The following GIPC2 variants were observed in gnomAD, a reference collection of about 807,000 sequenced individuals.
The protein encoded by GIPC2 is GIPC PDZ domain containing family member 2, also known as PDZ domain-containing protein GIPC2.
In GIPC2, 30 loss-of-function variants were observed where a neutral mutation model predicts 30.6. The observed-to-expected ratio is 0.98, with a 90% CI of 0.73 to 1.33. The LOEUF (loss-of-function observed/expected upper bound fraction) is 1.33, where lower values mean the gene tolerates loss of function less well. GIPC2 is among the 40% of genes most tolerant of loss of function. GIPC2 has a pLI of 0.00. For missense variants in GIPC2, 414 were observed against 390.3 expected, an observed-to-expected ratio of 1.06 and a Z score of -0.51; for synonymous variants, 167 against 150.0, an observed-to-expected ratio of 1.11 and a Z score of -0.83.
intron 2 of GIPC2, among the ~76,000 whole-genome samples, chr1:78,082,887 A>G (rs183398550): frequency 1.2e-4 from 18 of 152,204 alleles, no homozygotes; most frequent in African/African-American, 4.3e-4. Flanking sequence ...CATTTATCCA[A>G]ATCTCCAATT....
rs1365298839 is a variant in GIPC2, at chr1:78,125,901, G to A, written c.735G>A (p.Lys245=). 4 of 1,584,010 alleles carry A rather than the reference G, an allele frequency of 2.5e-6. No individual in the cohort carries two copies. The highest frequency in any genetic ancestry group is 3.5e-6 in the Non-Finnish European group (4 of 1,153,080). ...VEEMPSETKA[K]AIEKIDDVLE... ...TAAAGCCTTCTGAAACCAAAGCAAA[G>A]GCAATTGAAAAGATTGATGATGTTC... Residue 245 remains lysine, a synonymous_variant, in exon 5 of 6, where the codon AAG becomes AAA. Transcript: ENST00000370759.
At chr1:78,071,544 C>T (rs760792112) in intron 1 of GIPC2, among the ~76,000 whole-genome samples, 3 of 150,182 alleles carry the variant, frequency 2.0e-5, no homozygotes, top group Non-Finnish European at 4.4e-5. Flanking sequence ...CCTTCCTTCT[C>T]CTTCTTCTTC....
chr1:78,070,592 T>C (rs1661599494), intron 1 of GIPC2, among the ~76,000 whole-genome samples: 1 of 152,196 alleles, frequency 6.6e-6, no homozygotes, highest in African/African-American at 2.4e-5. Flanking sequence ...ATTTGTGTAA[T>C]GTCCACAAAG....
In GIPC2 at chr1:78,135,805, T is replaced by G; in HGVS notation, c.*62T>G. The G allele has an allele frequency of 7.3e-7, 1 of 1,372,352 alleles. No individual in the cohort carries two copies. Among genetic ancestry groups the G allele is most frequent in the Middle Eastern group, 1.8e-4 (1 of 5,494 alleles). The allele number at this position is 1,372,352 out of a possible 1,614,324, so 85.0% of individuals were successfully genotyped here. A position where few individuals can be genotyped will look rare whatever the true frequency, so the allele number is the denominator to read the frequency against. ...TCTTTTTTTTCTCTTTTTTAAAAAG[T>G]CCTATAAGATCTGTTTTTGGACACC... On this transcript the variant is annotated 3_prime_UTR_variant, in exon 6 of 6. Transcript: ENST00000370759.
chr1:78,101,802 T>C (rs982224658), intron 3 of GIPC2, among the ~76,000 whole-genome samples: 1 of 152,226 alleles, frequency 6.6e-6, no homozygotes, highest in African/African-American at 2.4e-5. Flanking sequence ...AAAAGGAGCA[T>C]GGCTTTACAA....
At chr1:78,077,917 G>A (rs933783065) in intron 1 of GIPC2, among the ~76,000 whole-genome samples, 3 of 152,042 alleles carry the variant, frequency 2.0e-5, no homozygotes, top group Non-Finnish European at 2.9e-5. Flanking sequence ...GGCCGGGCGC[G>A]GTGGCTCACG....
chr1:78,067,627 A>G (rs973882342), intron 1 of GIPC2, among the ~76,000 whole-genome samples: 1 of 151,946 alleles, frequency 6.6e-6, no homozygotes, highest in African/African-American at 2.4e-5. Flanking sequence ...TAATTTTTGT[A>G]TTATTAGTAG....
chr1:78,082,542 A>T (rs985619775), intron 2 of GIPC2, among the ~76,000 whole-genome samples: 1 of 152,218 alleles, frequency 6.6e-6, no homozygotes, highest in East Asian at 1.9e-4. Context: ...CATGAGGCAC[A>T]GGCAGCAGAG....
chr1:78,118,463 G>A (rs970874684), intron 3 of GIPC2, among the ~76,000 whole-genome samples: 1 of 151,246 alleles, frequency 6.6e-6, no homozygotes, highest in African/African-American at 2.4e-5. Flanking sequence ...CTCTTTCTTC[G>A]CCCTTCCCTT....
At chr1:78,045,923 TC>T (rs1661057648), upstream of GIPC2, 1 of 1,342,350 alleles carries the variant, frequency 7.4e-7, no homozygotes, top group Non-Finnish European at 9.5e-7. Context: ...GGGCGGCTGC[TC>T]CGGTCCAGGG....
chr1:78,097,600 A>C (rs1163271207), intron 3 of GIPC2, among the ~76,000 whole-genome samples: 1 of 152,042 alleles, frequency 6.6e-6, no homozygotes, highest in Non-Finnish European at 1.5e-5. Context: ...GCCTGCCTTC[A>C]TTTCCATATT....
chr1:78,060,954 G>A (rs1032537493), intron 1 of GIPC2, among the ~76,000 whole-genome samples: 14 of 151,688 alleles, frequency 9.2e-5, no homozygotes, highest in African/African-American at 3.4e-4. Context: ...TGTATGGTTG[G>A]TAGTGGGAGA....
At chr1:78,047,458 G>A (rs1364675607) in intron 1 of GIPC2, among the ~76,000 whole-genome samples, 2 of 151,998 alleles carry the variant, frequency 1.3e-5, no homozygotes, top group Non-Finnish European at 2.9e-5. Flanking sequence ...GGGGCAAATC[G>A]CAAACCCATC....
At chr1:78,110,720 C>G (rs975892808) in intron 3 of GIPC2, among the ~76,000 whole-genome samples, 1 of 152,208 alleles carries the variant, frequency 6.6e-6, no homozygotes, top group Admixed American at 6.5e-5. Flanking sequence ...ACACTTTCCT[C>G]TCTCTACTCC....
chr1:78,116,646 G>A (rs1662573248), intron 3 of GIPC2, among the ~76,000 whole-genome samples: 1 of 152,044 alleles, frequency 6.6e-6, no homozygotes, highest in Non-Finnish European at 1.5e-5. Flanking sequence ...GAGAATGATG[G>A]TTTCCAGCTT....
chr1:78,060,583 A>T (rs1290443995), intron 1 of GIPC2, among the ~76,000 whole-genome samples: 1 of 152,214 alleles, frequency 6.6e-6, no homozygotes, highest in Non-Finnish European at 1.5e-5. Context: ...AAGGAAAGTG[A>T]TCTCTTGCTT....
chr1:78,058,019 A>G (rs1661327764), intron 1 of GIPC2, among the ~76,000 whole-genome samples: 1 of 152,216 alleles, frequency 6.6e-6, no homozygotes, highest in Admixed American at 6.5e-5. Flanking sequence ...AGGAAAACAT[A>G]AGTATGTTTA....
At chr1:78,045,888 C>A, upstream of GIPC2, 1 of 1,341,218 alleles carries the variant, frequency 7.5e-7, no homozygotes, top group Non-Finnish European at 9.5e-7. Flanking sequence ...CTCTCCAGAT[C>A]CATCCCGGGG....
chr1:78,093,860 C>T (rs1662088169), intron 2 of GIPC2, among the ~76,000 whole-genome samples: 1 of 152,148 alleles, frequency 6.6e-6, no homozygotes, highest in East Asian at 1.9e-4. Flanking sequence ...TGTACATCCT[C>T]TGCAGGGCTG....
Sources: gnomAD v4.1 joint callset for allele counts (sites outside exome capture counted in the v4.1 genomes callset) on GRCh38, gnomAD v4.1.1 for gene constraint, MANE v1.5 for transcripts, NCBI Gene and HGNC (gene_info 2026-07-23, HGNC 2026-07-21) for gene names.